Variants in TMC1 observed in about 807,000 individuals in gnomAD.
TMC1 encodes transmembrane channel-like protein 1.
A neutral mutation model predicts 105.8 loss-of-function variants in TMC1; 84 were observed. The ratio of observed to expected loss-of-function variants is 0.79; its 90% CI spans 0.67 to 0.95. The LOEUF is 0.95. Among genes scored for constraint, TMC1 ranks in the 40% least tolerant of loss-of-function variants. The pLI is 0.00. For missense variants in TMC1, 817 were observed against 914.1 expected (o/e 0.89, Z 1.37); for synonymous variants, 315 against 311.5 (o/e 1.01, Z -0.12).
At chr9:72,735,644 T>G (rs1264922093) in intron 8 of TMC1, among the ~76,000 whole-genome samples, 1 of 152,176 alleles carries the variant, frequency 6.6e-6, no homozygotes. Context: ...GATACTAGTT[T>G]TTTTCCATCC....
chr9:72,782,867 A>T (rs1828114945), intron 13 of TMC1, among the ~76,000 whole-genome samples: 1 of 152,184 alleles, frequency 6.6e-6, no homozygotes. Context: ...TATTACCCAA[A>T]ACACTTTACA....
intron 7 of TMC1, among the ~76,000 whole-genome samples, chr9:72,698,263 AAACT>A (rs1259754531): frequency 1.3e-5 from 2 of 152,192 alleles, no homozygotes; most frequent in African/African-American, 2.4e-5. Flanking sequence ...TCCAAAAAAC[AAACT>A]GTCAATAGGA....
In TMC1 at chr9:72,683,146, A is replaced by T. The variant is rs969756026; in HGVS notation, c.17-5563A>T. On this transcript the variant is annotated intron_variant, in intron 5 of 23. Coordinates refer to ENST00000297784, the MANE Select transcript of TMC1 (RefSeq NM_138691.3). The stretch of plus-strand genomic sequence containing the variant: ...TGAACCATATCCTGGGCCATTCTCT[A>T]TATGGAGATGATGCCTGAATATGAT... Among the ~76,000 whole-genome samples, 22 of 152,174 alleles carry T rather than the reference A, an allele frequency of 1.4e-4. 1 individual carries two copies. The highest frequency in any genetic ancestry group is 5.3e-4 in the African/African-American group (22 of 41,458).
chr9:72,643,654 A>G (rs1825663140), intron 4 of TMC1, among the ~76,000 whole-genome samples: 1 of 152,180 alleles, frequency 6.6e-6, no homozygotes, highest in African/African-American at 2.4e-5. Flanking sequence ...ATTACAAATT[A>G]GCATTCAATT....
At chr9:72,686,528 A>G (rs1312504542) in intron 5 of TMC1, among the ~76,000 whole-genome samples, 2 of 152,244 alleles carry the variant, frequency 1.3e-5, no homozygotes, top group East Asian at 1.9e-4. Context: ...ATAATGTTCC[A>G]TTAAAATCGA....
At chr9:72,754,415 A>C (rs1203449514) in intron 11 of TMC1, among the ~76,000 whole-genome samples, 5 of 152,136 alleles carry the variant, frequency 3.3e-5, no homozygotes, top group Non-Finnish European at 7.4e-5. Context: ...TTCTCTTATG[A>C]AAGTGTGGGT....
chr9:72,633,034 A>G (rs1825476168), intron 4 of TMC1, among the ~76,000 whole-genome samples: 1 of 152,142 alleles, frequency 6.6e-6, no homozygotes, highest in Non-Finnish European at 1.5e-5. Context: ...GATAAATGTA[A>G]CAAAATAAAA....
chr9:72,654,141 T>G (rs762247248), intron 5 of TMC1, among the ~76,000 whole-genome samples: 1 of 152,192 alleles, frequency 6.6e-6, no homozygotes, highest in African/African-American at 2.4e-5. Context: ...ATTGCTGGGT[T>G]GTACAGTAAG....
At chr9:72,810,401 G>C (rs79028626) in intron 18 of TMC1, among the ~76,000 whole-genome samples, 1,754 of 152,084 alleles carry the variant, frequency 0.012, 28 homozygotes, top group African/African-American at 0.04. Context: ...TTTTTCTTCT[G>C]AATTCCAAAA....
At chr9:72,609,370 C>T (rs1308224257) in intron 2 of TMC1, among the ~76,000 whole-genome samples, 9 of 152,060 alleles carry the variant, frequency 5.9e-5, no homozygotes, top group Non-Finnish European at 1.2e-4. Context: ...GAAAACCCGT[C>T]TCTACTAAAA....
At chr9:72,592,405 C>G (rs990897391) in intron 2 of TMC1, among the ~76,000 whole-genome samples, 4 of 152,154 alleles carry the variant, frequency 2.6e-5, no homozygotes, top group African/African-American at 9.7e-5. Context: ...TTTTCTTTTA[C>G]TCTTATCATT....
At chr9:72,701,012 A>G (rs1465078658) in intron 8 of TMC1, among the ~76,000 whole-genome samples, 4 of 151,970 alleles carry the variant, frequency 2.6e-5, no homozygotes, top group African/African-American at 9.7e-5. Context: ...GTCATCTTTA[A>G]TCATTTGTTC....
At chr9:72,707,354 G>A (rs779486853) in intron 8 of TMC1, among the ~76,000 whole-genome samples, 5 of 152,090 alleles carry the variant, frequency 3.3e-5, no homozygotes, top group Non-Finnish European at 7.4e-5. Flanking sequence ...CATATTGGTT[G>A]TACTAGTTTA....
chr9:72,731,646 T>A (rs1827213466), intron 8 of TMC1, among the ~76,000 whole-genome samples: 1 of 152,176 alleles, frequency 6.6e-6, no homozygotes. Context: ...ATACTCTGGA[T>A]CCTTACTAAT....
chr9:72,576,273 C>T (rs1413734823), intron 1 of TMC1, among the ~76,000 whole-genome samples: 1 of 152,160 alleles, frequency 6.6e-6, no homozygotes, highest in African/African-American at 2.4e-5. Context: ...TACTTGACCT[C>T]TTAGAGCACC....
intron 13 of TMC1, among the ~76,000 whole-genome samples, chr9:72,782,232 G>A (rs116112937): frequency 0.011 from 1,639 of 152,236 alleles, 23 homozygotes; most frequent in African/African-American, 0.037. Flanking sequence ...CTCAATAGAC[G>A]CAGAAAAGGC....
In TMC1 at chr9:72,798,108, G is replaced by C. The variant is rs1828403951; in HGVS notation, c.1566+5756G>C. On this transcript the variant is annotated intron_variant, in intron 17 of 23. Transcript: ENST00000297784. ...AGACATACATGCGGCAAACAAGCAT[G>C]TGAAATAAAACTTCATATCACTGAT... Among the ~76,000 whole-genome samples, 4 of 152,186 alleles carry C rather than the reference G, an allele frequency of 2.6e-5. No homozygotes were observed. The Middle Eastern group carries it at 0.014, about 518-fold the overall frequency.
At chr9:72,800,556 C>T (rs546392451) in intron 17 of TMC1, among the ~76,000 whole-genome samples, 38 of 151,884 alleles carry the variant, frequency 2.5e-4, no homozygotes, top group Admixed American at 9.2e-4. Flanking sequence ...GATGGTTCTG[C>T]GATAGTCCCA....
chr9:72,708,697 A>T (rs1041059058), intron 8 of TMC1, among the ~76,000 whole-genome samples: 2 of 152,094 alleles, frequency 1.3e-5, no homozygotes, highest in Non-Finnish European at 2.9e-5. Flanking sequence ...TGGGTATATG[A>T]TCACATCATC....
Sources: allele counts gnomAD v4.1 joint callset (sites outside exome capture counted in the v4.1 genomes callset), GRCh38; gene constraint gnomAD v4.1.1; transcripts MANE v1.5; gene names NCBI Gene and HGNC (gene_info 2026-07-23, HGNC 2026-07-21).